SLC16A7: variants seen among roughly 807,000 people sequenced by gnomAD.
SLC16A7 encodes solute carrier family 16 member 7, also known as monocarboxylate transporter 2.
SLC16A7 carries 33 observed loss-of-function variants against 34.9 expected under a neutral mutation model. That is an observed-to-expected ratio of 0.94 (90% CI 0.72 to 1.26). SLC16A7 has a LOEUF of 1.26. Ranked by LOEUF, SLC16A7 falls within the 50% of genes most tolerant of loss-of-function variation. SLC16A7 has a pLI of 0.00. For synonymous variants in SLC16A7, 201 were observed against 206.6 expected, an observed-to-expected ratio of 0.97 and a Z score of 0.23; for missense variants, 573 against 578.1, an observed-to-expected ratio of 0.99 and a Z score of 0.09.
intron 1 of SLC16A7, among the ~76,000 whole-genome samples, chr12:59,616,862 C>T (rs1203560296): frequency 6.6e-6 from 1 of 152,016 alleles, no homozygotes; most frequent in East Asian, 1.9e-4. Context: ...TCTATTATGG[C>T]AGTTAATAGC....
chr12:59,749,645 T>C (rs930205673), intron 3 of SLC16A7, among the ~76,000 whole-genome samples: 2 of 152,136 alleles, frequency 1.3e-5, no homozygotes, highest in Admixed American at 1.3e-4. Context: ...ATTACACCCT[T>C]GAAGATGTCG....
At chr12:59,677,616 C>A (rs1441833542) in intron 2 of SLC16A7, among the ~76,000 whole-genome samples, 1 of 152,160 alleles carries the variant, frequency 6.6e-6, no homozygotes, top group African/African-American at 2.4e-5. Flanking sequence ...CACAAGGCTA[C>A]TGTTTTGTCA....
chr12:59,693,174 A>G (rs1871879803), intron 2 of SLC16A7, among the ~76,000 whole-genome samples: 1 of 151,938 alleles, frequency 6.6e-6, no homozygotes, highest in African/African-American at 2.4e-5. Flanking sequence ...TTTATAGTGA[A>G]ACCAATAGTC....
intron 3 of SLC16A7, among the ~76,000 whole-genome samples, chr12:59,735,671 G>C (rs1877504992): frequency 6.6e-6 from 1 of 152,148 alleles, no homozygotes; most frequent in Non-Finnish European, 1.5e-5. Flanking sequence ...ATAGGTAACT[G>C]TGGGGTATTT....
At chr12:59,703,570 A>C (rs1857073750) in intron 2 of SLC16A7, among the ~76,000 whole-genome samples, 1 of 152,172 alleles carries the variant, frequency 6.6e-6, no homozygotes, top group East Asian at 1.9e-4. Context: ...TTTCTGTACA[A>C]ATCATTGTGG....
intron 2 of SLC16A7, among the ~76,000 whole-genome samples, chr12:59,675,483 C>T (rs971421022): frequency 2.5e-5 from 3 of 119,476 alleles, no homozygotes; most frequent in African/African-American, 3.9e-5. Context: ...TTGCAGCCTC[C>T]GGAACTGTGA....
chr12:59,624,738 TTGTGTGTGTGTGTGTGTGTGTG>T (rs34708782), intron 1 of SLC16A7, among the ~76,000 whole-genome samples: 1 of 145,284 alleles, frequency 6.9e-6, no homozygotes, highest in South Asian at 2.2e-4. Context: ...GCATTGTTAG[TTGTGTGTGTGTGTGTGTGTGTG>T]TGTGTGTGTG....
rs1217318951 is a variant in SLC16A7, at chr12:59,784,903, T to A, written c.*5224T>A. On this transcript the variant is annotated 3_prime_UTR_variant, in exon 6 of 6. Transcript: ENST00000547379. ...TTACCATCACCACATTGCACCATTA[T>A]GTATTATTCTGTCTCCATCAATGCA... The A allele has an allele frequency of 1.3e-5, 2 of 152,210 alleles. No homozygotes were observed. The highest frequency in any genetic ancestry group is 4.8e-5 in the African/African-American group (2 of 41,460). 9.4% of individuals were successfully genotyped at this position (152,210 alleles called of 1,614,324 possible). A position where few individuals can be genotyped will look rare whatever the true frequency, so the allele number is the denominator to read the frequency against.
At chr12:59,752,890 G>A (rs1337912138) in intron 3 of SLC16A7, among the ~76,000 whole-genome samples, 1 of 152,222 alleles carries the variant, frequency 6.6e-6, no homozygotes. Context: ...AAGCCCATCA[G>A]ACTAACAGCG....
intron 3 of SLC16A7, chr12:59,733,632 C>T (rs1488743179): frequency 1.1e-5 from 5 of 444,492 alleles, no homozygotes; most frequent in Admixed American, 2.4e-5. Flanking sequence ...CACAGCTCCT[C>T]TCTCCTTCTC....
chr12:59,600,225 T>C (rs557448741), intron 1 of SLC16A7, among the ~76,000 whole-genome samples: 2 of 152,348 alleles, frequency 1.3e-5, no homozygotes, highest in Admixed American at 1.3e-4. Flanking sequence ...GGCTTTATGT[T>C]TTTTAGTTTA....
Position 59,782,127 on chromosome 12 carries a change from C to A in SLC16A7, c.*2448C>A, listed in dbSNP as rs1408188208. ...AAGTAAAACTTGCACATTCAAAGCA[C>A]ATGATTTGTACAGTCACACCTGGCA... On this transcript the variant is annotated 3_prime_UTR_variant, in exon 6 of 6. Transcript: ENST00000547379. 4 of 152,184 alleles carry A rather than the reference C, an allele frequency of 2.6e-5. No homozygotes were observed. 9.4% of individuals were successfully genotyped at this position (152,184 alleles called of 1,614,324 possible).
chr12:59,745,348 TC>T (rs1878777203), intron 3 of SLC16A7, among the ~76,000 whole-genome samples: 1 of 152,126 alleles, frequency 6.6e-6, no homozygotes, highest in African/African-American at 2.4e-5. Flanking sequence ...TGGCATAGAG[TC>T]CTATTGGGTT....
intron 2 of SLC16A7, among the ~76,000 whole-genome samples, chr12:59,683,969 G>A (rs951384596): frequency 6.6e-6 from 1 of 152,176 alleles, no homozygotes; most frequent in Non-Finnish European, 1.5e-5. Flanking sequence ...TTGGAGATTA[G>A]AAAGCTATAG....
intron 3 of SLC16A7, among the ~76,000 whole-genome samples, chr12:59,738,904 C>T (rs1032782861): frequency 6.0e-5 from 9 of 150,892 alleles, no homozygotes; most frequent in African/African-American, 2.2e-4. Context: ...AAATTTATAT[C>T]ACTTACCCAT....
chr12:59,764,652 A>G (rs190707196), intron 3 of SLC16A7, among the ~76,000 whole-genome samples: 1 of 152,154 alleles, frequency 6.6e-6, no homozygotes, highest in Admixed American at 6.6e-5. Flanking sequence ...TCCCTACAAA[A>G]GACATGAACT....
chr12:59,748,460 C>T (rs148937184), intron 3 of SLC16A7, among the ~76,000 whole-genome samples: 20 of 152,226 alleles, frequency 1.3e-4, no homozygotes, highest in East Asian at 3.9e-4. Context: ...TCTATGTGAG[C>T]GGTTCTTTCC....
intron 3 of SLC16A7, among the ~76,000 whole-genome samples, chr12:59,743,940 A>G (rs918386276): frequency 6.6e-6 from 1 of 152,240 alleles, no homozygotes; most frequent in Non-Finnish European, 1.5e-5. Flanking sequence ...TTACTGAGAG[A>G]AAATGAAATA....
At chr12:59,715,854 TG>T (rs1424199582) in intron 3 of SLC16A7, among the ~76,000 whole-genome samples, 1 of 152,296 alleles carries the variant, frequency 6.6e-6, no homozygotes, top group East Asian at 1.9e-4. Context: ...AATTACCCAA[TG>T]TTTTTATTAC....
Sources: gnomAD v4.1 joint callset for allele counts (sites outside exome capture counted in the v4.1 genomes callset) on GRCh38, gnomAD v4.1.1 for gene constraint, MANE v1.5 for transcripts, NCBI Gene and HGNC (gene_info 2026-07-23, HGNC 2026-07-21) for gene names.